IL17RA: variants seen among roughly 807,000 people sequenced by gnomAD.
IL17RA encodes interleukin 17 receptor A.
IL17RA carries 34 observed loss-of-function variants against 50.4 expected under a neutral mutation model. The observed-to-expected ratio is 0.67, with a 90% CI of 0.51 to 0.90. The LOEUF (loss-of-function observed/expected upper bound fraction) is 0.90, where lower values mean the gene tolerates loss of function less well. Among genes scored for constraint, IL17RA ranks in the 40% least tolerant of loss-of-function variants. The pLI is 0.00. For missense variants in IL17RA, 1,276 were observed against 1,169.8 expected, an observed-to-expected ratio of 1.09 and a Z score of -1.32; for synonymous variants, 585 against 510.4, an observed-to-expected ratio of 1.15 and a Z score of -1.97.
intron 11 of IL17RA, among the ~76,000 whole-genome samples, 200 bp from the exon 12 acceptor site, chr22:17,107,527 T>TA (rs1210277934): frequency 6.6e-6 from 1 of 152,256 alleles, no homozygotes; most frequent in Non-Finnish European, 1.5e-5. Context: ...GAGGCACTAG[T>TA]AACTGCTCCA....
At chr22:17,106,617 G>A (rs1342795870) in intron 11 of IL17RA, among the ~76,000 whole-genome samples, 1 of 152,162 alleles carries the variant, frequency 6.6e-6, no homozygotes, top group Non-Finnish European at 1.5e-5. Flanking sequence ...AGGCCTTCCG[G>A]TTGGGGCTTC....
intron 3 of IL17RA, 101 bp from the exon 4 acceptor site, chr22:17,098,672 TTC>T (rs1385218606): frequency 1.2e-6 from 1 of 867,776 alleles, no homozygotes; most frequent in African/African-American, 1.7e-5. Context: ...ACGGCAGATT[TTC>T]TTTTAGGAGT....
intron 2 of IL17RA, chr22:17,097,317 G>A: frequency 1.7e-6 from 1 of 596,062 alleles, no homozygotes; most frequent in Non-Finnish European, 3.0e-6. Flanking sequence ...TTTGGATTGT[G>A]AAAGTATTCT....
chr22:17,109,440 C>T lies in IL17RA; in HGVS notation c.2221C>T (p.Pro741Ser), dbSNP rs1245969526. The T allele has an allele frequency of 6.2e-7, 1 of 1,613,408 alleles. No individual in the cohort carries two copies. Among genetic ancestry groups the T allele is most frequent in the Non-Finnish European group, 8.5e-7 (1 of 1,179,990 alleles). The part of the protein sequence containing the change: ...STPMASPDLL[P>S]EDVREHLEGL... ...CCCCATGGCGTCTCCTGACCTCCTT[C>T]CAGAGGACGTGAGGGAGCACCTCGA... Residue 741 changes from proline to serine, a missense_variant, in exon 13 of 13, where the codon CCA becomes TCA. Physicochemically the swap from Pro to Ser is moderately conservative, Grantham distance 74. Transcript: ENST00000319363.
intron 8 of IL17RA, 78 bp from the exon 9 acceptor site, chr22:17,104,648 C>G: frequency 1.5e-6 from 2 of 1,320,802 alleles, no homozygotes; most frequent in South Asian, 1.2e-5. Context: ...ATCCCCTCCT[C>G]TCACATTGCC....
chr22:17,101,939 A>G, intron 5 of IL17RA, 57 bp from the exon 6 acceptor site: 3 of 1,605,802 alleles, frequency 1.9e-6, no homozygotes, highest in Non-Finnish European at 2.6e-6. Context: ...AGGAGTCTGG[A>G]AGAACAGATT....
rs368200123 is a variant in IL17RA, at chr22:17,107,836, C to T, written c.1087+68C>T. 6.6e-5 allele frequency: 92 copies of T among 1,398,690 alleles called. 1 individual carries two copies. The highest frequency in any genetic ancestry group is 1.7e-4 in the Middle Eastern group (1 of 5,726). 86.6% of individuals were successfully genotyped at this position (1,398,690 alleles called of 1,614,324 possible). A position where few individuals can be genotyped will look rare whatever the true frequency, so the allele number is the denominator to read the frequency against. On this transcript the variant is annotated intron_variant, in intron 12 of 12. Coordinates refer to ENST00000319363, the MANE Select transcript of IL17RA (RefSeq NM_014339.7). ...GTGGAGGGTTCTCCTGGGATAAGTG[C>T]GTGGGTCGCCTCCTGTGCTCTAACT...
chr22:17,106,463 T>C (rs1486252922), intron 11 of IL17RA, among the ~76,000 whole-genome samples: 1 of 152,196 alleles, frequency 6.6e-6, no homozygotes, highest in Non-Finnish European at 1.5e-5. Context: ...TTCTGTAAAA[T>C]GTACTGATAA....
chr22:17,108,292 G>T lies in IL17RA; in HGVS notation c.1088-15G>T. 1 of 1,613,730 alleles carries T rather than the reference G, an allele frequency of 6.2e-7. No homozygotes were observed. The highest frequency in any genetic ancestry group is 1.1e-5 in the South Asian group (1 of 91,034). On this transcript the variant is annotated splice_polypyrimidine_tract_variant and intron_variant, in intron 12 of 12. Transcript: ENST00000319363. ...CCTGGGGTGAGGGTCAGCATGTGTG[G>T]TCTTGTTTCCTTAGATGGCCTGCCT...
intron 5 of IL17RA, among the ~76,000 whole-genome samples, chr22:17,100,728 T>C (rs1465219856): frequency 2.0e-5 from 3 of 152,120 alleles, no homozygotes; most frequent in Non-Finnish European, 4.4e-5. Flanking sequence ...CCCAGGAGTT[T>C]TATGGGAACC....
chr22:17,108,273 G>T, intron 12 of IL17RA, 34 bp from the exon 13 acceptor site: 1 of 1,610,022 alleles, frequency 6.2e-7, no homozygotes, highest in Non-Finnish European at 8.5e-7. Context: ...GGGCCCTGGG[G>T]TGAGGGTCAG....
rs771869327 is a variant in IL17RA at position 17,108,573 on chromosome 22, C to T, written c.1354C>T (p.Arg452Cys). ...CATCGTCCTGTGCTCCCGCGGCACG[C>T]GCGCCAAGTGGCAGGCGCTCCTGGG... Reference protein sequence around the residue: ...KIIVLCSRGTRAKWQALLGRG... With the variant: ...KIIVLCSRGTCAKWQALLGRG... The change falls in exon 13 of 13, where the codon CGC becomes TGC. Residue 452 changes from arginine to cysteine, a missense_variant. By Grantham distance (180) the Arg-to-Cys change is radical. Transcript: ENST00000319363. The T allele has an allele frequency of 5.6e-6, 9 of 1,606,480 alleles. No individual in the cohort carries two copies. The Admixed American group carries it at 6.7e-5, about 12-fold the overall frequency.
chr22:17,096,940 A>C, intron 1 of IL17RA, 122 bp from the exon 2 acceptor site: 1 of 886,142 alleles, frequency 1.1e-6, no homozygotes, highest in Middle Eastern at 2.2e-4. Flanking sequence ...ATTCCCCAAA[A>C]AGTGAGAAGG....
intron 7 of IL17RA, 134 bp downstream of exon 7, chr22:17,102,436 A>G (rs908261847): frequency 2.1e-6 from 2 of 960,722 alleles, no homozygotes; most frequent in African/African-American, 3.2e-5. Context: ...GTCCATAGTG[A>G]TCATGGCGCC....
At chr22:17,086,696 C>T (rs1162276775) in intron 1 of IL17RA, among the ~76,000 whole-genome samples, 3 of 152,144 alleles carry the variant, frequency 2.0e-5, no homozygotes, top group East Asian at 1.9e-4. Flanking sequence ...GCTAAGTGTA[C>T]GGAATTCCAG....
chr22:17,096,926 T>A, intron 1 of IL17RA, 136 bp from the exon 2 acceptor site: 1 of 749,770 alleles, frequency 1.3e-6, no homozygotes. Context: ...TCACTCCTCA[T>A]CCTATTCCCC....
intron 4 of IL17RA, among the ~76,000 whole-genome samples, chr22:17,099,416 G>A (rs906700843): frequency 1.3e-5 from 2 of 152,108 alleles, no homozygotes; most frequent in African/African-American, 4.8e-5. Flanking sequence ...GGGTCTCAAA[G>A]TGTGGTCCGT....
At position 17,105,960 on chromosome 22, in the gene IL17RA, C is replaced by T. The variant is rs763664351; in HGVS notation, c.1045+6C>T. On this transcript the variant is annotated splice_donor_region_variant and intron_variant, in intron 11 of 12. Coordinates refer to ENST00000319363, the MANE Select transcript of IL17RA (RefSeq NM_014339.7). ...CATGACCTGGAGGCTAGCTGGTAAG[C>T]GCTGGGGCTCTGGCTGTCCTGGAGT... is the stretch of plus-strand genomic sequence containing the variant. 5.3e-5 allele frequency: 86 copies of T among 1,611,738 alleles called. 1 individual carries two copies. The South Asian group carries it at 5.4e-4, about 10-fold the overall frequency.
At chr22:17,103,623 C>A in intron 8 of IL17RA, 46 bp downstream of exon 8, 1 of 1,459,854 alleles carries the variant, frequency 6.9e-7, no homozygotes, top group Non-Finnish European at 9.5e-7. Context: ...AAACAGGTGG[C>A]AATTATAGAG....
Sources: gnomAD v4.1 joint callset for allele counts (sites outside exome capture counted in the v4.1 genomes callset) on GRCh38, gnomAD v4.1.1 for gene constraint, MANE v1.5 for transcripts, NCBI Gene and HGNC (gene_info 2026-07-23, HGNC 2026-07-21) for gene names.